The following PSD3 variants were observed in gnomAD, a reference collection of about 807,000 sequenced individuals.
PSD3 encodes pleckstrin and Sec7 domain containing 3.
Under a neutral mutation model 105.5 loss-of-function variants are expected in PSD3, and 49 were observed. The ratio of observed to expected loss-of-function variants is 0.46; its 90% CI spans 0.37 to 0.59. The LOEUF is 0.59. Ranked by LOEUF, PSD3 falls within the 20% of genes least tolerant of loss-of-function variation. The pLI, the probability that PSD3 is intolerant of heterozygous loss-of-function variation, is 0.00. For missense variants in PSD3, 1,561 were observed against 1,263.8 expected, an observed-to-expected ratio of 1.24 and a Z score of -3.57; for synonymous variants, 557 against 457.8, an observed-to-expected ratio of 1.22 and a Z score of -2.77.
intron 8 of PSD3, among the ~76,000 whole-genome samples, chr8:18,789,952 A>G (rs1809542573): frequency 1.3e-5 from 2 of 152,338 alleles, no homozygotes; most frequent in Middle Eastern, 3.4e-3. Context: ...TGTAAGTTAG[A>G]TAATATGAGG....
intron 4 of PSD3, among the ~76,000 whole-genome samples, chr8:18,810,530 T>C (rs1811602857): frequency 6.6e-6 from 1 of 152,210 alleles, no homozygotes; most frequent in South Asian, 2.1e-4. Flanking sequence ...TAGTATACTT[T>C]GAATTTAAAT....
At chr8:18,899,528 G>C (rs917125212) in intron 2 of PSD3, among the ~76,000 whole-genome samples, 16 of 152,044 alleles carry the variant, frequency 1.1e-4, no homozygotes, top group African/African-American at 3.6e-4. Flanking sequence ...AAAACACTGT[G>C]TGTAGTGAGC....
intron 2 of PSD3, among the ~76,000 whole-genome samples, chr8:18,873,310 A>G (rs573255988): frequency 1.3e-3 from 192 of 152,190 alleles, no homozygotes; most frequent in Non-Finnish European, 2.4e-3. Flanking sequence ...AAAAATAAGA[A>G]TGAAGCCAAC....
chr8:18,647,186 T>C (rs896725124), intron 10 of PSD3, among the ~76,000 whole-genome samples: 1 of 152,188 alleles, frequency 6.6e-6, no homozygotes, highest in Admixed American at 6.5e-5. Context: ...AAAAGACCAG[T>C]CATGACTTAA....
chr8:18,581,568 C>T (rs1255449623), intron 12 of PSD3, among the ~76,000 whole-genome samples: 1 of 152,172 alleles, frequency 6.6e-6, no homozygotes, highest in Non-Finnish European at 1.5e-5. Context: ...ATCACAAGCT[C>T]TATCTCAGAG....
chr8:18,933,883 T>C (rs555036438), intron 2 of PSD3, among the ~76,000 whole-genome samples: 2 of 152,334 alleles, frequency 1.3e-5, no homozygotes, highest in East Asian at 3.9e-4. Context: ...TAGGTACTTA[T>C]GATGCATGAC....
At chr8:18,647,605 G>A (rs76002937) in intron 10 of PSD3, among the ~76,000 whole-genome samples, 1 of 117,768 alleles carries the variant, frequency 8.5e-6, no homozygotes, top group Admixed American at 8.6e-5. Flanking sequence ...ATTTAAAACT[G>A]TTTTTTTTTT....
At position 18,532,547 on chromosome 8, in the gene PSD3, T is replaced by C. The variant is rs944790795; in HGVS notation, c.*3196A>G. On this transcript the variant is annotated 3_prime_UTR_variant, in exon 16 of 16. Coordinates refer to ENST00000327040, the MANE Select transcript of PSD3 (RefSeq NM_015310.4). ...GGTTACACATAATCCAGGGACTACATTTCCATCAGAGGACTCTCTCCCATC... is the reference window on the plus strand; with the variant it reads ...GGTTACACATAATCCAGGGACTACACTTCCATCAGAGGACTCTCTCCCATC... 1.3e-5 allele frequency: 2 copies of C among 152,212 alleles called. No individual in the cohort carries two copies. Among genetic ancestry groups the C allele is most frequent in the African/African-American group, 4.8e-5 (2 of 41,460 alleles). The allele number at this position is 152,212 out of a possible 1,614,324, so 9.4% of individuals were successfully genotyped here. A position where few individuals can be genotyped will look rare whatever the true frequency, so the allele number is the denominator to read the frequency against.
intron 1 of PSD3, among the ~76,000 whole-genome samples, chr8:18,995,428 A>T (rs1007075516): frequency 6.6e-5 from 10 of 152,048 alleles, no homozygotes; most frequent in African/African-American, 2.4e-4. Flanking sequence ...ACAACAATAT[A>T]TTGTTGTTCT....
At chr8:19,064,630 C>G (rs186898556) in intron 1 of PSD3, among the ~76,000 whole-genome samples, 29 of 152,098 alleles carry the variant, frequency 1.9e-4, no homozygotes, top group Non-Finnish European at 2.8e-4. Flanking sequence ...TGAGGTCCCC[C>G]CTAGCAAAAA....
rs115064956 is a variant in PSD3, at chr8:18,532,693, G to C, written c.*3050C>G. The C allele has an allele frequency of 1.5e-4, 23 of 152,252 alleles. No homozygotes were observed. The highest frequency in any genetic ancestry group is 5.3e-4 in the African/African-American group (22 of 41,540). The allele number at this position is 152,252 out of a possible 1,614,324, so 9.4% of individuals were successfully genotyped here. A position where few individuals can be genotyped will look rare whatever the true frequency, so the allele number is the denominator to read the frequency against. ...ACTTCAGAAATGCCTACGGGCTGGC[G>C]ATAAAGTAAGGACTCTGCATCCCAG... On this transcript the variant is annotated 3_prime_UTR_variant, in exon 16 of 16. Transcript: ENST00000327040.
chr8:18,842,388 G>A (rs369676734), intron 4 of PSD3, among the ~76,000 whole-genome samples: 12 of 152,340 alleles, frequency 7.9e-5, no homozygotes, highest in African/African-American at 2.6e-4. Flanking sequence ...AAACAATTTT[G>A]GTTCTCTTTG....
At chr8:18,813,282 T>C (rs1811867389) in intron 4 of PSD3, among the ~76,000 whole-genome samples, 1 of 151,864 alleles carries the variant, frequency 6.6e-6, no homozygotes, top group African/African-American at 2.4e-5. Context: ...TGTGCACACA[T>C]GGAAAGAAAC....
At chr8:19,083,767 T>C (rs1484619331) in intron 1 of PSD3, among the ~76,000 whole-genome samples, 1 of 152,150 alleles carries the variant, frequency 6.6e-6, no homozygotes, top group African/African-American at 2.4e-5. Context: ...GTTTGCCCAG[T>C]CACATCTCCA....
At chr8:18,815,065 C>T (rs939073822) in intron 4 of PSD3, among the ~76,000 whole-genome samples, 1 of 152,152 alleles carries the variant, frequency 6.6e-6, no homozygotes, top group Non-Finnish European at 1.5e-5. Flanking sequence ...GTAAAATATA[C>T]TTATAAATAT....
chr8:18,624,885 A>G (rs1239978089), intron 11 of PSD3, among the ~76,000 whole-genome samples: 2 of 151,808 alleles, frequency 1.3e-5, no homozygotes, highest in African/African-American at 2.4e-5. Context: ...GTTTTTGTAA[A>G]TATGTATGTA....
At chr8:18,851,978 A>G (rs1586224402) in intron 4 of PSD3, among the ~76,000 whole-genome samples, 2 of 152,368 alleles carry the variant, frequency 1.3e-5, no homozygotes, top group Middle Eastern at 3.4e-3. Context: ...TGGTGAAGGC[A>G]AAAAGAAACT....
At chr8:18,722,874 A>C (rs1803090908) in intron 9 of PSD3, among the ~76,000 whole-genome samples, 1 of 143,604 alleles carries the variant, frequency 7.0e-6, no homozygotes, top group Admixed American at 6.7e-5. Context: ...TTTCTGAACT[A>C]TTTCAGCACC....
chr8:18,870,438 C>T (rs1356044172), intron 3 of PSD3, among the ~76,000 whole-genome samples: 2 of 151,956 alleles, frequency 1.3e-5, no homozygotes, highest in Non-Finnish European at 2.9e-5. Context: ...TGTCAAGTTT[C>T]AATCATAAAG....
Sources: allele counts gnomAD v4.1 joint callset (sites outside exome capture counted in the v4.1 genomes callset), GRCh38; gene constraint gnomAD v4.1.1; transcripts MANE v1.5; gene names NCBI Gene and HGNC (gene_info 2026-07-23, HGNC 2026-07-21).